PRKG1: variants seen among roughly 807,000 people sequenced by gnomAD.
PRKG1 encodes cGMP-dependent protein kinase 1.
In PRKG1, 35 loss-of-function variants were observed where a neutral mutation model predicts 88.1. The ratio of observed to expected loss-of-function variants is 0.40; its 90% CI spans 0.30 to 0.53. The LOEUF (loss-of-function observed/expected upper bound fraction) is 0.53, where lower values mean the gene tolerates loss of function less well. PRKG1 is among the 20% of genes least tolerant of loss of function. The probability of loss-of-function intolerance (pLI) is 0.59; values close to 1 mark genes in which losing one functional copy is unlikely to be tolerated. For missense variants in PRKG1, 540 were observed against 839.8 expected, an observed-to-expected ratio of 0.64 and a Z score of 4.41; for synonymous variants, 303 against 292.5, an observed-to-expected ratio of 1.04 and a Z score of -0.37.
At chr10:51,626,499 G>A (rs951839877) in intron 3 of PRKG1, among the ~76,000 whole-genome samples, 5 of 151,914 alleles carry the variant, frequency 3.3e-5, no homozygotes, top group Admixed American at 3.3e-4. Flanking sequence ...AAATCCTAGG[G>A]GGAATTTTTC....
chr10:51,705,106 A>T (rs1007096659), intron 3 of PRKG1, among the ~76,000 whole-genome samples: 2 of 151,764 alleles, frequency 1.3e-5, no homozygotes, highest in Non-Finnish European at 2.9e-5. Flanking sequence ...CATGATCTGT[A>T]TTTTTTCACC....
At chr10:51,452,093 G>A (rs1459205978) in intron 2 of PRKG1, among the ~76,000 whole-genome samples, 1 of 151,758 alleles carries the variant, frequency 6.6e-6, no homozygotes, top group East Asian at 1.9e-4. Flanking sequence ...CCCATTTAAG[G>A]TGTTCAAATC....
intron 3 of PRKG1, among the ~76,000 whole-genome samples, chr10:51,518,829 G>A (rs1269612755): frequency 6.6e-6 from 1 of 152,138 alleles, no homozygotes; most frequent in South Asian, 2.1e-4. Context: ...TTTAAAGGCT[G>A]GTCAAGAATG....
chr10:52,021,271 A>T (rs1845177395), intron 5 of PRKG1, among the ~76,000 whole-genome samples: 1 of 152,160 alleles, frequency 6.6e-6, no homozygotes, highest in Non-Finnish European at 1.5e-5. Context: ...CATGTATGAT[A>T]TGTTGCTTTT....
chr10:51,051,030 A>G (rs1843554075), intron 1 of PRKG1, among the ~76,000 whole-genome samples: 1 of 151,516 alleles, frequency 6.6e-6, no homozygotes. Context: ...CTTTTGAGTC[A>G]TGGGATTTGC....
chr10:51,398,648 T>C (rs1027240756), intron 2 of PRKG1, among the ~76,000 whole-genome samples: 1 of 152,234 alleles, frequency 6.6e-6, no homozygotes, highest in Admixed American at 6.5e-5. Flanking sequence ...TAGGTCACAG[T>C]GTGTGCCCAG....
In PRKG1 at chr10:52,128,321, C is replaced by A. The variant is rs571336798; in HGVS notation, c.936-5519C>A. On this transcript the variant is annotated intron_variant, in intron 7 of 17. Transcript: ENST00000373980. ...CCCTACTCTGACAGCTACTTTGTATCAACTATGTTCTGCTTTGGCCTCATA... is the reference window on the plus strand; with the variant it reads ...CCCTACTCTGACAGCTACTTTGTATAAACTATGTTCTGCTTTGGCCTCATA... 8 of 985,388 alleles carry A rather than the reference C, an allele frequency of 8.1e-6. No homozygotes were observed. In the African/African-American group the frequency reaches 1.4e-4, roughly 17 times the overall value. 61.0% of individuals were successfully genotyped at this position (985,388 alleles called of 1,614,324 possible).
chr10:51,514,042 A>T (rs1220814059), intron 3 of PRKG1, among the ~76,000 whole-genome samples: 6 of 143,444 alleles, frequency 4.2e-5, no homozygotes, highest in African/African-American at 1.6e-4. Flanking sequence ...CCTTCAAAAA[A>T]TCAATGAATC....
chr10:51,928,577 A>T (rs1362070420), intron 5 of PRKG1, among the ~76,000 whole-genome samples: 1 of 152,200 alleles, frequency 6.6e-6, no homozygotes, highest in Non-Finnish European at 1.5e-5. Context: ...CAGCTAAAAG[A>T]ATTCTGGAAA....
At chr10:51,408,481 A>C (rs1184561613) in intron 2 of PRKG1, among the ~76,000 whole-genome samples, 1 of 152,222 alleles carries the variant, frequency 6.6e-6, no homozygotes, top group Non-Finnish European at 1.5e-5. Flanking sequence ...CATGTAGGAC[A>C]GGCAAACCCA....
chr10:52,293,418 G>A (rs1589765859), intron 17 of PRKG1, among the ~76,000 whole-genome samples: 1 of 151,798 alleles, frequency 6.6e-6, no homozygotes. Context: ...CTACTTTAAA[G>A]TTCATATGGA....
chr10:52,044,658 T>A (rs1353547056), intron 5 of PRKG1, among the ~76,000 whole-genome samples: 3 of 152,180 alleles, frequency 2.0e-5, no homozygotes, highest in Non-Finnish European at 4.4e-5. Context: ...ACCAAACACT[T>A]TTCCAGATTA....
chr10:52,203,706 G>A (rs532036534), intron 9 of PRKG1, among the ~76,000 whole-genome samples: 1 of 152,350 alleles, frequency 6.6e-6, no homozygotes, highest in African/African-American at 2.4e-5. Context: ...TGCATTGGAT[G>A]CATGTATATT....
At chr10:51,475,018 G>T (rs1840152808) in intron 3 of PRKG1, among the ~76,000 whole-genome samples, 1 of 151,952 alleles carries the variant, frequency 6.6e-6, no homozygotes, top group African/African-American at 2.4e-5. Flanking sequence ...GAAAGAGGTT[G>T]TCCCTGATTT....
chr10:51,863,487 C>A (rs960984476), intron 4 of PRKG1, among the ~76,000 whole-genome samples: 2 of 152,068 alleles, frequency 1.3e-5, no homozygotes, highest in African/African-American at 2.4e-5. Flanking sequence ...AATTTTCTTG[C>A]CTTTATTCTT....
chr10:51,455,855 A>G (rs1839569270), intron 2 of PRKG1, among the ~76,000 whole-genome samples: 1 of 152,160 alleles, frequency 6.6e-6, no homozygotes, highest in Non-Finnish European at 1.5e-5. Context: ...TCCCACGTTT[A>G]TCTGTCTTCT....
chr10:52,053,679 C>T (rs538177797), intron 5 of PRKG1, among the ~76,000 whole-genome samples: 1 of 152,272 alleles, frequency 6.6e-6, no homozygotes, highest in Non-Finnish European at 1.5e-5. Flanking sequence ...TGGAAACAGA[C>T]CTAGTTGTGG....
intron 2 of PRKG1, among the ~76,000 whole-genome samples, chr10:51,198,253 T>C (rs1837822760): frequency 6.6e-6 from 1 of 152,138 alleles, no homozygotes; most frequent in African/African-American, 2.4e-5. Context: ...TCCCCTTCCT[T>C]TTTTCCGCAT....
At chr10:52,001,585 C>G (rs1844601346) in intron 5 of PRKG1, among the ~76,000 whole-genome samples, 2 of 151,200 alleles carry the variant, frequency 1.3e-5, no homozygotes, top group South Asian at 4.2e-4. Flanking sequence ...ATTTTTTTTC[C>G]CTAAAAATCT....
Sources: allele counts gnomAD v4.1 joint callset (sites outside exome capture counted in the v4.1 genomes callset), GRCh38; gene constraint gnomAD v4.1.1; transcripts MANE v1.5; gene names NCBI Gene and HGNC (gene_info 2026-07-23, HGNC 2026-07-21).